BCAN: variants seen among roughly 807,000 people sequenced by gnomAD.
The protein encoded by BCAN is brevican core protein.
In BCAN, 51 loss-of-function variants were observed where a neutral mutation model predicts 92.4. The observed-to-expected ratio is 0.55, with a 90% CI of 0.44 to 0.70. The LOEUF is 0.70. Ranked by LOEUF, BCAN falls within the 30% of genes least tolerant of loss-of-function variation. The pLI is 0.00. For missense variants in BCAN, 1,140 were observed against 1,212.1 expected (o/e 0.94, Z 0.88); for synonymous variants, 501 against 505.2 (o/e 0.99, Z 0.11).
chr1:156,656,297 GC>G lies in BCAN; in HGVS notation c.1962del (p.Cys655AlafsTer201). 1 of 1,457,012 alleles carries G rather than the reference GC, an allele frequency of 6.9e-7. No homozygotes were observed. Among genetic ancestry groups the G allele is most frequent in the South Asian group, 1.7e-5 (1 of 59,438 alleles). The allele number at this position is 1,457,012 out of a possible 1,614,324, so 90.3% of individuals were successfully genotyped here. On this transcript the variant is annotated frameshift_variant, in exon 9 of 14. Coordinates refer to ENST00000329117, the MANE Select transcript of BCAN (RefSeq NM_021948.5). LOFTEE classifies it high-confidence loss of function. ...VVPASGDCVP[S>X]PCHNGGTCLE... Reference sequence around the variant, plus strand: ...CCCCTCTCAGGTGACTGTGTCCCCAGCCCCTGCCACAATGGTGGGACATGCT... The same window carrying G: ...CCCCTCTCAGGTGACTGTGTCCCCAGCCCTGCCACAATGGTGGGACATGCT...
Position 156,657,003 on chromosome 1 carries a change from C to G in BCAN, c.2116C>G (p.Arg706Gly). 6.2e-6 allele frequency: 10 copies of G among 1,614,190 alleles called. No homozygotes were observed. Among genetic ancestry groups the G allele is most frequent in the Non-Finnish European group, 8.5e-6 (10 of 1,180,014 alleles). Residue 706 changes from arginine to glycine, a missense_variant, in exon 10 of 14, where the codon CGA becomes GGA. Physicochemically the swap from Arg to Gly is moderately radical, Grantham distance 125. Around this residue, in one of 3 missense-constraint regions of BCAN, gnomAD observed 825 missense variants for 871.8 expected, o/e 0.95. Transcript: ENST00000329117. The stretch of plus-strand genomic sequence containing the variant: ...CGCCTGCTACAAGCACTTTTCCACA[C>G]GAAGGAGCTGGGAGGAGGCAGAGAC... ...QGACYKHFST[R>G]RSWEEAETQC...
Position 156,642,992 on chromosome 1 carries a change from G to A in BCAN, c.-9+717G>A, listed in dbSNP as rs187282300. The A allele has an allele frequency of 6.6e-6, 1 of 152,280 alleles. No individual in the cohort carries two copies. The highest frequency in any genetic ancestry group is 2.4e-5 in the African/African-American group (1 of 41,540). The allele number at this position is 152,280 out of a possible 1,614,324, so 9.4% of individuals were successfully genotyped here. A position where few individuals can be genotyped will look rare whatever the true frequency, so the allele number is the denominator to read the frequency against. Reference sequence around the variant, plus strand: ...TTGCATTCCTTCCTAGCACTGCCAGGGGCCTGGGAATTCCCTCTCCCAGGT... The same window carrying A: ...TTGCATTCCTTCCTAGCACTGCCAGAGGCCTGGGAATTCCCTCTCCCAGGT... On this transcript the variant is annotated intron_variant, in intron 1 of 13. Transcript: ENST00000329117. The surrounding 1 kb of genome is among the most constrained non-coding windows in gnomAD (Gnocchi z 4.2).
At chr1:156,645,147 A>G (rs1191264198) in intron 1 of BCAN, among the ~76,000 whole-genome samples, 1 of 151,448 alleles carries the variant, frequency 6.6e-6, no homozygotes, top group Non-Finnish European at 1.5e-5. Context: ...CAGGGGTAGG[A>G]AGGGGTAGCC....
At chr1:156,655,058 G>A (rs1679287845) in intron 8 of BCAN, among the ~76,000 whole-genome samples, 1 of 152,236 alleles carries the variant, frequency 6.6e-6, no homozygotes, top group South Asian at 2.1e-4. Flanking sequence ...GGCTTCTAGA[G>A]GTGGATGGTA....
chr1:156,653,339 C>T (rs1372937891), intron 8 of BCAN: 39 of 1,049,390 alleles, frequency 3.7e-5, no homozygotes, highest in South Asian at 4.4e-5. Context: ...CCTTCTCACC[C>T]CTCAACCTCC....
Position 156,656,382 on chromosome 1 carries a change from C to T in BCAN, c.2043C>T (p.Cys681=), listed in dbSNP as rs756514224. Residue 681 remains cysteine, a synonymous_variant, in exon 9 of 14, where the codon TGC becomes TGT. Coordinates refer to ENST00000329117, the MANE Select transcript of BCAN (RefSeq NM_021948.5). The part of the protein sequence containing the change: ...LCLPGYGGDL[C]DVGLRFCNPG... ...TGCCTGGCTATGGGGGGGACCTGTG[C>T]GATGTTGGTGAGTGTTGAGGGACGG... is the stretch of plus-strand genomic sequence containing the variant. The T allele has an allele frequency of 2.2e-6, 3 of 1,362,620 alleles. No individual in the cohort carries two copies. The highest frequency in any genetic ancestry group is 3.0e-5 in the Admixed American group (1 of 32,940). 84.4% of individuals were successfully genotyped at this position (1,362,620 alleles called of 1,614,324 possible). A position where few individuals can be genotyped will look rare whatever the true frequency, so the allele number is the denominator to read the frequency against.
intron 10 of BCAN, 99 bp downstream of exon 10, chr1:156,657,195 T>C (rs1395210354): frequency 6.9e-7 from 1 of 1,454,998 alleles, no homozygotes; most frequent in Non-Finnish European, 9.3e-7. Flanking sequence ...ACTTATTCCT[T>C]GGTTTTCTCA....
At chr1:156,653,067 C>T (rs541759580) in intron 8 of BCAN, 175 bp downstream of exon 8, 35 of 1,484,008 alleles carry the variant, frequency 2.4e-5, no homozygotes, top group Non-Finnish European at 2.9e-5. Flanking sequence ...GGATATCCAC[C>T]TTGTGGGTAT....
chr1:156,646,449 G>A (rs1402068195), intron 2 of BCAN: 6 of 496,250 alleles, frequency 1.2e-5, no homozygotes, highest in Non-Finnish European at 2.1e-5. Flanking sequence ...CCTAAAGGGA[G>A]CAGACTGGGA....
chr1:156,646,805 C>A lies in BCAN; in HGVS notation c.96C>A (p.Asp32Glu), dbSNP rs1678989722. 3 of 1,560,510 alleles carry A rather than the reference C, an allele frequency of 1.9e-6. No individual in the cohort carries two copies. Among genetic ancestry groups the A allele is most frequent in the Non-Finnish European group, 2.6e-6 (3 of 1,153,372 alleles). The change falls in exon 3 of 14, where the codon GAC (aspartate) becomes GAA (glutamate). Residue 32 changes from aspartate to glutamate, a missense_variant. Asp to Glu is a conservative substitution (Grantham distance 45). This residue lies in a region of BCAN where 286 missense variants were observed against 284.1 expected (regional missense o/e 1.01). Coordinates refer to ENST00000329117, the MANE Select transcript of BCAN (RefSeq NM_021948.5). ...ADVLEGDSSE[D>E]RAFRVRIAGD... ...GCCGGCTCCACCCGTTCACAGAGGA[C>A]CGCGCTTTTCGCGTGCGCATCGCGG...
rs1335250142 is a variant in BCAN, at chr1:156,647,847, T to A, written c.642-136T>A. On this transcript the variant is annotated intron_variant, in intron 4 of 13. Coordinates refer to ENST00000329117, the MANE Select transcript of BCAN (RefSeq NM_021948.5). This position sits in a 1 kb window ranked among gnomAD's most constrained non-coding sequence, Gnocchi z 4.8. ...GAGGTGAGGACCCTGAGCATGTGCA[T>A]CCCTGCAGTGCTAGAAGGACAGCCA... The A allele has an allele frequency of 3.3e-6, 5 of 1,537,694 alleles. No homozygotes were observed. Among genetic ancestry groups the A allele is most frequent in the Non-Finnish European group, 4.5e-6 (5 of 1,113,388 alleles).
chr1:156,648,279 C>T (rs1394794805), intron 5 of BCAN, among the ~76,000 whole-genome samples, 169 bp downstream of exon 5: 1 of 152,128 alleles, frequency 6.6e-6, no homozygotes, highest in African/African-American at 2.4e-5. Context: ...CAGAGGCAAG[C>T]TCATGACCAA....
chr1:156,656,216 TG>T, intron 8 of BCAN, 65 bp from the exon 9 acceptor site: 1 of 1,192,934 alleles, frequency 8.4e-7, no homozygotes, highest in Non-Finnish European at 1.1e-6. Context: ...CACCCTCTCC[TG>T]GAGGGCTCAG....
Position 156,646,856 on chromosome 1 carries a change from C to G in BCAN, c.147C>G (p.Leu49=), listed in dbSNP as rs1278148864. 6.2e-7 allele frequency: 1 copy of G among 1,606,378 alleles called. No homozygotes were observed. The highest frequency in any genetic ancestry group is 8.5e-7 in the Non-Finnish European group (1 of 1,176,338). The part of the protein sequence containing the change: ...IAGDAPLQGV[L]GGALTIPCHV... ...GCGACGCGCCACTGCAGGGCGTGCT[C>G]GGCGGCGCCCTCACCATCCCTTGCC... The change falls in exon 3 of 14, where the codon CTC becomes CTG. Residue 49 remains leucine (L), a synonymous_variant. Transcript: ENST00000329117.
At chr1:156,646,586 C>T in intron 2 of BCAN, 1 of 719,542 alleles carries the variant, frequency 1.4e-6, no homozygotes. Flanking sequence ...GACTGGGAGA[C>T]TTTGGGGGAT....
rs1158078096 is a variant in BCAN, at chr1:156,659,202, C to A, written c.*68C>A. ...CACCCAAATTTTCCCTCACACCCTG[C>A]GCTCCCGCCACCACAGGAAGTGACA... On this transcript the variant is annotated 3_prime_UTR_variant, in exon 14 of 14. Transcript: ENST00000329117. 1 of 1,214,162 alleles carries A rather than the reference C, an allele frequency of 8.2e-7. No homozygotes were observed. The highest frequency in any genetic ancestry group is 1.1e-6 in the Non-Finnish European group (1 of 879,626). The allele number at this position is 1,214,162 out of a possible 1,614,324, so 75.2% of individuals were successfully genotyped here.
chr1:156,657,184 C>G, intron 10 of BCAN, 88 bp downstream of exon 10: 1 of 1,498,696 alleles, frequency 6.7e-7, no homozygotes, highest in Non-Finnish European at 9.0e-7. Flanking sequence ...TTAACCCATG[C>G]ACTTATTCCT....
rs1418658786 is a variant in BCAN, at chr1:156,658,711, TCTC to T, written c.2609_2611del (p.Ser870del). The T allele has an allele frequency of 1.9e-6, 3 of 1,613,954 alleles. No individual in the cohort carries two copies. Among genetic ancestry groups the T allele is most frequent in the Middle Eastern group, 1.6e-4 (1 of 6,062 alleles). On this transcript the variant is annotated inframe_deletion, in exon 13 of 14. Coordinates refer to ENST00000329117, the MANE Select transcript of BCAN (RefSeq NM_021948.5). The surrounding 1 kb of genome is among the most constrained non-coding windows in gnomAD (Gnocchi z 4.4). The stretch of plus-strand genomic sequence containing the variant: ...AACGGTCGTTGGGAGGCCCCCCAGA[TCTC>T]CTGTGTGCCCAGAAGACCTGTGAGT...
In BCAN at chr1:156,658,473, T is replaced by C; in HGVS notation, c.2438-70T>C. 6.5e-7 allele frequency: 1 copy of C among 1,547,790 alleles called. No individual in the cohort carries two copies. On this transcript the variant is annotated intron_variant, in intron 12 of 13. Coordinates refer to ENST00000329117, the MANE Select transcript of BCAN (RefSeq NM_021948.5). This position sits in a 1 kb window ranked among gnomAD's most constrained non-coding sequence, Gnocchi z 4.4. ...TGTCATGTTGTGGCCCATTTTTCTC[T>C]TCCCCATGGAGATTCTGGGAACTGT...
Sources: allele counts gnomAD v4.1 joint callset (sites outside exome capture counted in the v4.1 genomes callset), GRCh38; gene constraint gnomAD v4.1.1; regional missense constraint gnomAD v4.1.1; non-coding constraint Gnocchi (gnomAD v3.1); transcripts MANE v1.5; gene names NCBI Gene and HGNC (gene_info 2026-07-23, HGNC 2026-07-21).